ANKFN1: variants seen among roughly 807,000 people sequenced by gnomAD.
ANKFN1 encodes ankyrin repeat and fibronectin type-III domain-containing protein 1.
ANKFN1 carries 74 observed loss-of-function variants against 108.7 expected under a neutral mutation model. That is an observed-to-expected ratio of 0.68 (90% CI 0.56 to 0.83). ANKFN1 has a LOEUF of 0.83. Ranked by LOEUF, ANKFN1 falls within the 40% of genes least tolerant of loss-of-function variation. ANKFN1 has a pLI of 0.00. For missense variants in ANKFN1, 1,505 were observed against 1,382.3 expected, an observed-to-expected ratio of 1.09 and a Z score of -1.41; for synonymous variants, 547 against 516.2, an observed-to-expected ratio of 1.06 and a Z score of -0.81.
At chr17:56,264,550 C>G (rs948084097) in intron 3 of ANKFN1, among the ~76,000 whole-genome samples, 1 of 152,222 alleles carries the variant, frequency 6.6e-6, no homozygotes, top group African/African-American at 2.4e-5. Context: ...ATTTCCCACA[C>G]ATATCTCATG....
chr17:56,346,545 A>G (rs541552682), intron 4 of ANKFN1, among the ~76,000 whole-genome samples: 1 of 152,148 alleles, frequency 6.6e-6, no homozygotes, highest in Non-Finnish European at 1.5e-5. Context: ...AATGCCACAA[A>G]GCTTGCTGTT....
In ANKFN1 at chr17:56,491,324, A is replaced by T. The variant is rs536759587; in HGVS notation, c.2261-863A>T. Among the ~76,000 whole-genome samples the T allele has an allele frequency of 2.6e-5, 4 of 152,298 alleles. No individual in the cohort carries two copies. The East Asian group carries it at 7.7e-4, about 29-fold the overall frequency. On this transcript the variant is annotated intron_variant, in intron 18 of 20. Coordinates refer to ENST00000682825, the MANE Select transcript of ANKFN1 (RefSeq NM_001370326.1). ...GTCTCCAAATTCATCAATGCCCTGGAAGAAACCAGTACTATGATAGTCTGA... is the reference window on the plus strand; with the variant it reads ...GTCTCCAAATTCATCAATGCCCTGGTAGAAACCAGTACTATGATAGTCTGA...
At chr17:56,225,212 C>G (rs1916173602) in intron 2 of ANKFN1, among the ~76,000 whole-genome samples, 1 of 152,106 alleles carries the variant, frequency 6.6e-6, no homozygotes, top group Admixed American at 6.5e-5. Flanking sequence ...TTGGTCTGCT[C>G]CACATTCCCC....
chr17:56,283,538 T>TATATATA (rs1263196279), intron 3 of ANKFN1, among the ~76,000 whole-genome samples: 4 of 150,042 alleles, frequency 2.7e-5, no homozygotes, highest in African/African-American at 7.6e-5. Context: ...TATATATATA[T>TATATATA]GATGGAATAC....
intron 6 of ANKFN1, among the ~76,000 whole-genome samples, chr17:56,369,659 T>C (rs1247558170): frequency 6.6e-6 from 1 of 152,276 alleles, no homozygotes; most frequent in East Asian, 1.9e-4. Context: ...TCATTAATAA[T>C]AGGGAGAAAC....
intron 3 of ANKFN1, among the ~76,000 whole-genome samples, chr17:56,257,612 C>T (rs545076469): frequency 4.7e-4 from 71 of 152,334 alleles, no homozygotes; most frequent in African/African-American, 1.6e-3. Context: ...ACCGACCCTC[C>T]AGGCTACGGG....
At chr17:56,167,801 G>T (rs913124568) in intron 1 of ANKFN1, among the ~76,000 whole-genome samples, 1 of 152,150 alleles carries the variant, frequency 6.6e-6, no homozygotes, top group East Asian at 1.9e-4. Flanking sequence ...CAGTGCTACA[G>T]CAGGGGAAGA....
At chr17:56,261,931 T>C (rs962108273) in intron 3 of ANKFN1, among the ~76,000 whole-genome samples, 15 of 152,086 alleles carry the variant, frequency 9.9e-5, no homozygotes, top group Non-Finnish European at 2.1e-4. Flanking sequence ...TGGGAATATC[T>C]CATAGAGAAG....
At chr17:56,311,008 G>A (rs79500622) in intron 3 of ANKFN1, among the ~76,000 whole-genome samples, 2,417 of 152,178 alleles carry the variant, frequency 0.016, 54 homozygotes, top group African/African-American at 0.055. Flanking sequence ...CTAGAGTGAC[G>A]TCATGAAGTA....
At chr17:56,433,544 G>A (rs1490092609) in intron 8 of ANKFN1, among the ~76,000 whole-genome samples, 1 of 152,088 alleles carries the variant, frequency 6.6e-6, no homozygotes, top group Non-Finnish European at 1.5e-5. Context: ...AGATGAGATT[G>A]GAGACTATTA....
intron 3 of ANKFN1, among the ~76,000 whole-genome samples, chr17:56,304,776 T>C (rs1048113292): frequency 1.3e-5 from 2 of 152,230 alleles, no homozygotes; most frequent in African/African-American, 2.4e-5. Context: ...CAATGGCTAA[T>C]GGTGTTGAGT....
chr17:56,410,203 G>C (rs2048047023), intron 8 of ANKFN1, among the ~76,000 whole-genome samples: 1 of 152,116 alleles, frequency 6.6e-6, no homozygotes, highest in Non-Finnish European at 1.5e-5. Context: ...CTCCTCCCGA[G>C]TAACTGGGAC....
intron 8 of ANKFN1, among the ~76,000 whole-genome samples, chr17:56,405,845 T>G (rs747265040): frequency 1.3e-5 from 2 of 152,254 alleles, no homozygotes; most frequent in Non-Finnish European, 2.9e-5. Flanking sequence ...TATATTCACA[T>G]TTGCTTGAAT....
chr17:56,272,773 A>G (rs2043825770), intron 3 of ANKFN1, among the ~76,000 whole-genome samples: 1 of 152,172 alleles, frequency 6.6e-6, no homozygotes, highest in African/African-American at 2.4e-5. Context: ...TGGTTTTACC[A>G]TTTTACACTC....
chr17:56,369,108 T>TA (rs2046742114), intron 6 of ANKFN1, among the ~76,000 whole-genome samples: 1 of 152,216 alleles, frequency 6.6e-6, no homozygotes, highest in Admixed American at 6.5e-5. Flanking sequence ...TACGCACACC[T>TA]TTCTTTAGCA....
In ANKFN1 at chr17:56,477,501, A is replaced by G. The variant is rs1381165618; in HGVS notation, c.1787A>G (p.Tyr596Cys). 10 of 1,598,312 alleles carry G rather than the reference A, an allele frequency of 6.3e-6. No individual in the cohort carries two copies. Among genetic ancestry groups the G allele is most frequent in the African/African-American group, 1.4e-5 (1 of 72,128 alleles). Residue 596 changes from tyrosine (Y) to cysteine (C), a missense_variant, in exon 16 of 21, where the codon TAT becomes TGT. Coordinates refer to ENST00000682825, the MANE Select transcript of ANKFN1 (RefSeq NM_001370326.1). ...TTAACCCTACAGGATATTCTATCCT[A>G]TCACAAAAGGAGTCATCAGCGTCTC... The part of the protein sequence containing the change: ...LLITIQDILS[Y>C]HKRSHQRLFP...
intron 10 of ANKFN1, among the ~76,000 whole-genome samples, chr17:56,446,660 T>C (rs1056713799): frequency 2.0e-5 from 3 of 152,188 alleles, no homozygotes; most frequent in Non-Finnish European, 4.4e-5. Context: ...ATCCCAGTAC[T>C]TTGGGAGGCC....
intron 1 of ANKFN1, among the ~76,000 whole-genome samples, chr17:56,180,391 C>T (rs1033870513): frequency 9.2e-5 from 14 of 152,212 alleles, no homozygotes; most frequent in African/African-American, 3.1e-4. Context: ...TTCTTACCTC[C>T]TCACATTACC....
intron 19 of ANKFN1, among the ~76,000 whole-genome samples, chr17:56,496,770 A>G (rs1373472537): frequency 6.6e-6 from 1 of 152,170 alleles, no homozygotes; most frequent in Non-Finnish European, 1.5e-5. Flanking sequence ...TTCGTATCAT[A>G]TCAAATAATA....
Sources: allele counts gnomAD v4.1 joint callset (sites outside exome capture counted in the v4.1 genomes callset), GRCh38; gene constraint gnomAD v4.1.1; transcripts MANE v1.5; gene names NCBI Gene and HGNC (gene_info 2026-07-23, HGNC 2026-07-21).